TTLL11: variants seen among roughly 807,000 people sequenced by gnomAD.
TTLL11 encodes the protein tubulin polyglutamylase TTLL11.
A neutral mutation model predicts 51.7 loss-of-function variants in TTLL11; 42 were observed. That is an observed-to-expected ratio of 0.81 (90% CI 0.64 to 1.05). The LOEUF (loss-of-function observed/expected upper bound fraction) is 1.05, where lower values mean the gene tolerates loss of function less well. TTLL11 is among the 50% of genes least tolerant of loss of function. The pLI, the probability that TTLL11 is intolerant of heterozygous loss-of-function variation, is 0.00. For missense variants in TTLL11, 799 were observed against 940.4 expected (o/e 0.85, Z 1.97); for synonymous variants, 381 against 383.5 (o/e 0.99, Z 0.08).
At chr9:121,832,453 C>G (rs189902602) in intron 8 of TTLL11, among the ~76,000 whole-genome samples, 1 of 152,208 alleles carries the variant, frequency 6.6e-6, no homozygotes, top group Admixed American at 6.5e-5. Context: ...ATTTATTTAG[C>G]CCTCATTATG....
intron 8 of TTLL11, among the ~76,000 whole-genome samples, chr9:121,856,337 T>A (rs1837817729): frequency 6.6e-6 from 1 of 152,178 alleles, no homozygotes; most frequent in Non-Finnish European, 1.5e-5. Flanking sequence ...CCTCCCAAAG[T>A]GCTGGGATTA....
At chr9:121,838,706 A>G (rs376764883) in intron 8 of TTLL11, among the ~76,000 whole-genome samples, 2 of 152,088 alleles carry the variant, frequency 1.3e-5, no homozygotes, top group African/African-American at 4.8e-5. Flanking sequence ...GTGACAGAGT[A>G]AGATTCTGTC....
intron 1 of TTLL11, 115 bp downstream of exon 1, chr9:122,092,572 T>C: frequency 2.7e-6 from 4 of 1,462,344 alleles, no homozygotes; most frequent in Non-Finnish European, 2.7e-6. Flanking sequence ...CCGAGCGTGG[T>C]GCACCGCAGG....
intron 6 of TTLL11, among the ~76,000 whole-genome samples, chr9:121,907,452 A>G (rs1839985359): frequency 1.0e-5 from 1 of 98,458 alleles, no homozygotes; most frequent in East Asian, 2.2e-4. Context: ...CTCTGTCTCA[A>G]AAAAAAAAAA....
At chr9:122,078,793 A>G (rs959149860) in intron 1 of TTLL11, among the ~76,000 whole-genome samples, 1 of 151,574 alleles carries the variant, frequency 6.6e-6, no homozygotes, top group East Asian at 1.9e-4. Context: ...GTAGGTCTAA[A>G]GCTCATGCTT....
chr9:122,002,362 A>G (rs1302604281), intron 3 of TTLL11, among the ~76,000 whole-genome samples: 6 of 152,120 alleles, frequency 3.9e-5, no homozygotes, highest in Admixed American at 3.9e-4. Flanking sequence ...CACGACCACA[A>G]CGGTCTTAGG....
At chr9:121,879,943 A>T (rs1838718427) in intron 6 of TTLL11, among the ~76,000 whole-genome samples, 1 of 152,150 alleles carries the variant, frequency 6.6e-6, no homozygotes, top group Non-Finnish European at 1.5e-5. Flanking sequence ...CCAGCCTGGG[A>T]GATGGAGCAA....
chr9:121,822,345 A>G lies in TTLL11; in HGVS notation c.*242T>C. 2.8e-6 allele frequency: 1 copy of G among 357,810 alleles called. No individual in the cohort carries two copies. The highest frequency in any genetic ancestry group is 5.0e-6 in the Non-Finnish European group (1 of 199,304). The allele number at this position is 357,810 out of a possible 1,614,324, so 22.2% of individuals were successfully genotyped here. Reference sequence around the variant, plus strand: ...TGCCATCTGTCACGTTTTAGATGTCATATGTCCGATGACTGATGACTCAGA... The same window carrying G: ...TGCCATCTGTCACGTTTTAGATGTCGTATGTCCGATGACTGATGACTCAGA... On this transcript the variant is annotated 3_prime_UTR_variant, in exon 9 of 9. Coordinates refer to ENST00000321582, the MANE Select transcript of TTLL11 (RefSeq NM_001139442.2). The surrounding 1 kb of genome is among the most constrained non-coding windows in gnomAD (Gnocchi z 5.8).
At chr9:122,063,067 C>A (rs1845479624) in intron 1 of TTLL11, among the ~76,000 whole-genome samples, 1 of 152,172 alleles carries the variant, frequency 6.6e-6, no homozygotes, top group Admixed American at 6.5e-5. Context: ...AAGCTTGGGC[C>A]ACCGCACCTG....
chr9:121,844,353 A>G (rs1837451571), intron 8 of TTLL11, among the ~76,000 whole-genome samples: 2 of 152,242 alleles, frequency 1.3e-5, no homozygotes, highest in East Asian at 3.8e-4. Context: ...GGCACCTATG[A>G]CTACAGCAAA....
chr9:121,819,770 G>A lies in TTLL11; in HGVS notation c.*2817C>T, dbSNP rs1021778672. On this transcript the variant is annotated 3_prime_UTR_variant, in exon 9 of 9. Transcript: ENST00000321582. ...GGCTCTACTTCCTATCTTCTCGGAG[G>A]AAGGAACCATCTGCTTTTGCTATCG... Among the ~76,000 whole-genome samples the A allele has an allele frequency of 3.9e-5, 6 of 152,228 alleles. No homozygotes were observed. Among genetic ancestry groups the A allele is most frequent in the African/African-American group, 1.2e-4 (5 of 41,460 alleles).
chr9:121,904,030 A>G (rs563251902), intron 6 of TTLL11, among the ~76,000 whole-genome samples: 2 of 152,370 alleles, frequency 1.3e-5, no homozygotes, highest in South Asian at 2.1e-4. Context: ...AAGCCTGTCC[A>G]TGAAACATAA....
rs370514349 is a variant in TTLL11 at position 121,898,252 on chromosome 9, AC to A, written c.1482-27505del. 4.6e-4 allele frequency among the ~76,000 whole-genome samples: 69 copies of A among 151,196 alleles called. No individual in the cohort carries two copies. The South Asian group carries it at 5.0e-3, about 11-fold the overall frequency. On this transcript the variant is annotated intron_variant, in intron 6 of 8. Coordinates refer to ENST00000321582, the MANE Select transcript of TTLL11 (RefSeq NM_001139442.2). ...CTTAAAACCTGCTGTCACCACCCCC[AC>A]CCCCACAGAGAGAAAAGCTGGGACG... is the stretch of plus-strand genomic sequence containing the variant.
intron 1 of TTLL11, among the ~76,000 whole-genome samples, chr9:122,046,561 T>C (rs1194909802): frequency 3.9e-5 from 6 of 152,180 alleles, no homozygotes; most frequent in South Asian, 4.1e-4. Flanking sequence ...TCATGGAGCA[T>C]TGAAAGCTGA....
intron 6 of TTLL11, among the ~76,000 whole-genome samples, chr9:121,922,739 G>A (rs139431398): frequency 1.4e-5 from 2 of 147,174 alleles, no homozygotes; most frequent in African/African-American, 2.5e-5. Context: ...TTATTTTAGC[G>A]CAAAGGGTCA....
At chr9:121,915,215 G>GTGTGGA (rs1484837073) in intron 6 of TTLL11, among the ~76,000 whole-genome samples, 2 of 152,204 alleles carry the variant, frequency 1.3e-5, no homozygotes, top group Non-Finnish European at 2.9e-5. Context: ...AGGTGTGTGT[G>GTGTGGA]TGTGCATGTG....
intron 8 of TTLL11, among the ~76,000 whole-genome samples, chr9:121,855,583 T>A (rs954510129): frequency 6.6e-6 from 1 of 152,154 alleles, no homozygotes; most frequent in African/African-American, 2.4e-5. Flanking sequence ...GGGAAGATGC[T>A]TTAGCACTTT....
chr9:121,939,295 T>C (rs956815003), intron 6 of TTLL11, among the ~76,000 whole-genome samples: 1 of 152,202 alleles, frequency 6.6e-6, no homozygotes, highest in African/African-American at 2.4e-5. Context: ...AAAGGAAATA[T>C]TATACAGCAG....
chr9:121,960,524 C>A (rs1842187552), intron 6 of TTLL11, among the ~76,000 whole-genome samples: 1 of 152,170 alleles, frequency 6.6e-6, no homozygotes. Flanking sequence ...CACATCTCCT[C>A]ATGCCCAGGC....
Sources: gnomAD v4.1 joint callset for allele counts (sites outside exome capture counted in the v4.1 genomes callset) on GRCh38, gnomAD v4.1.1 for gene constraint, Gnocchi (gnomAD v3.1) non-coding constraint, MANE v1.5 for transcripts, NCBI Gene and HGNC (gene_info 2026-07-23, HGNC 2026-07-21) for gene names.